Variants in DAB1 observed in about 807,000 individuals in gnomAD.
DAB1 encodes disabled homolog 1.
DAB1 carries 15 observed loss-of-function variants against 64.6 expected under a neutral mutation model. That is an observed-to-expected ratio of 0.23 (90% confidence interval 0.16 to 0.36). DAB1 has a LOEUF of 0.36. Among genes scored for constraint, DAB1 ranks in the 10% least tolerant of loss-of-function variants. The pLI, the probability that DAB1 is intolerant of heterozygous loss-of-function variation, is 1.00. For synonymous variants in DAB1, 235 were observed against 251.9 expected, an observed-to-expected ratio of 0.93 and a Z score of 0.64; for missense variants, 596 against 706.7, an observed-to-expected ratio of 0.84 and a Z score of 1.78.
At chr1:57,444,815 A>T (rs1686076163) in intron 7 of DAB1, among the ~76,000 whole-genome samples, 1 of 152,232 alleles carries the variant, frequency 6.6e-6, no homozygotes, top group East Asian at 1.9e-4. Context: ...CCTTGATTTC[A>T]GAATTCTGTC....
intron 3 of DAB1, among the ~76,000 whole-genome samples, chr1:58,411,234 A>C (rs1644664749): frequency 6.6e-6 from 1 of 152,230 alleles, no homozygotes; most frequent in African/African-American, 2.4e-5. Flanking sequence ...TGAATATCAC[A>C]TACTTAAACA....
At chr1:58,282,890 C>T (rs577043577) in intron 4 of DAB1, among the ~76,000 whole-genome samples, 8 of 152,276 alleles carry the variant, frequency 5.3e-5, no homozygotes, top group African/African-American at 1.4e-4. Flanking sequence ...AGACTAAAAG[C>T]GATCCTTCCA....
intron 4 of DAB1, among the ~76,000 whole-genome samples, chr1:58,304,185 A>G (rs1329688270): frequency 1.3e-5 from 2 of 152,180 alleles, no homozygotes; most frequent in African/African-American, 4.8e-5. Context: ...TGTTTAGAAC[A>G]TCTTGTCCAA....
chr1:57,065,312 G>A (rs531169676), intron 8 of DAB1, among the ~76,000 whole-genome samples: 6 of 152,262 alleles, frequency 3.9e-5, no homozygotes, highest in South Asian at 4.2e-4. Context: ...TGCTAAGCAC[G>A]TATTATGTGT....
At chr1:57,589,506 C>A (rs989710042) in intron 7 of DAB1, among the ~76,000 whole-genome samples, 1 of 152,148 alleles carries the variant, frequency 6.6e-6, no homozygotes, top group African/African-American at 2.4e-5. Context: ...CCTGTAATTT[C>A]AGCACTTTGG....
intron 4 of DAB1, among the ~76,000 whole-genome samples, chr1:58,204,596 G>A (rs1478920047): frequency 6.6e-6 from 1 of 152,154 alleles, no homozygotes; most frequent in East Asian, 1.9e-4. Context: ...AGAACCCCCA[G>A]GAGAGAATCA....
intron 2 of DAB1, among the ~76,000 whole-genome samples, chr1:57,284,553 T>C (rs1672162154): frequency 1.3e-5 from 2 of 151,926 alleles, no homozygotes; most frequent in Admixed American, 6.6e-5. Context: ...CATGAGAGAG[T>C]GGGGGGCTTA....
chr1:57,472,608 C>G (rs1687178679), intron 7 of DAB1, among the ~76,000 whole-genome samples: 1 of 151,638 alleles, frequency 6.6e-6, no homozygotes, highest in Non-Finnish European at 1.5e-5. Flanking sequence ...TGCATGCAGC[C>G]CCCAGTCACA....
chr1:57,089,406 CG>C (rs989751352), intron 4 of DAB1, among the ~76,000 whole-genome samples: 1 of 152,120 alleles, frequency 6.6e-6, no homozygotes, highest in African/African-American at 2.4e-5. Flanking sequence ...CACTGTTCTT[CG>C]GGCTGTACAA....
At chr1:57,532,239 G>A (rs1319792526) in intron 7 of DAB1, among the ~76,000 whole-genome samples, 1 of 98,320 alleles carries the variant, frequency 1.0e-5, no homozygotes, top group African/African-American at 3.3e-5. Flanking sequence ...ATAATGGTGT[G>A]GGCGTGGAGA....
chr1:58,160,315 C>T (rs1655460797), intron 4 of DAB1, among the ~76,000 whole-genome samples: 1 of 152,134 alleles, frequency 6.6e-6, no homozygotes, highest in Admixed American at 6.5e-5. Context: ...AAGAGCAGAG[C>T]AGAGTAGTTC....
intron 6 of DAB1, among the ~76,000 whole-genome samples, chr1:57,768,063 G>C (rs1292110767): frequency 1.3e-5 from 2 of 151,442 alleles, no homozygotes; most frequent in African/African-American, 4.9e-5. Context: ...TGTAATCCCA[G>C]CTACTTGGGA....
At chr1:58,546,027 C>T (rs1236799838) in intron 1 of DAB1, among the ~76,000 whole-genome samples, 1 of 152,206 alleles carries the variant, frequency 6.6e-6, no homozygotes, top group Admixed American at 6.5e-5. Flanking sequence ...TTTCATCTCC[C>T]TGGACTACAA....
intron 7 of DAB1, among the ~76,000 whole-genome samples, chr1:57,461,503 C>T (rs1686778016): frequency 6.6e-6 from 1 of 152,176 alleles, no homozygotes; most frequent in Non-Finnish European, 1.5e-5. Flanking sequence ...CTGACTTTCT[C>T]ATCAGCCCCT....
chr1:58,061,783 AT>A (rs201700263), intron 5 of DAB1, among the ~76,000 whole-genome samples: 2,203 of 152,228 alleles, frequency 0.014, 51 homozygotes, highest in African/African-American at 0.05. Flanking sequence ...CATAGGGTTT[AT>A]TGCACCCCAT....
At chr1:58,274,290 TG>T (rs1158420796) in intron 4 of DAB1, among the ~76,000 whole-genome samples, 2 of 115,978 alleles carry the variant, frequency 1.7e-5, no homozygotes, top group East Asian at 2.6e-4. Context: ...GTGCCCCTGC[TG>T]GGGGGTGCCT....
intron 1 of DAB1, among the ~76,000 whole-genome samples, chr1:57,321,534 C>T (rs988615868): frequency 3.9e-5 from 6 of 152,058 alleles, no homozygotes; most frequent in African/African-American, 9.7e-5. Flanking sequence ...TATACATGGG[C>T]GTGTAAAGGT....
At chr1:57,103,166 G>T (rs1320066609) in intron 4 of DAB1, among the ~76,000 whole-genome samples, 1 of 152,144 alleles carries the variant, frequency 6.6e-6, no homozygotes, top group African/African-American at 2.4e-5. Context: ...AATGCTAAAA[G>T]GAAAGAAAGG....
chr1:58,535,183 G>C (rs1646496713), intron 1 of DAB1, among the ~76,000 whole-genome samples: 1 of 152,160 alleles, frequency 6.6e-6, no homozygotes, highest in Admixed American at 6.6e-5. Flanking sequence ...ATTAAGACTA[G>C]CCACCACAGA....
Sources: gnomAD v4.1 joint callset for allele counts (sites outside exome capture counted in the v4.1 genomes callset) on GRCh38, gnomAD v4.1.1 for gene constraint, MANE v1.5 for transcripts, NCBI Gene and HGNC (gene_info 2026-07-23, HGNC 2026-07-21) for gene names.